Variants in SLC13A3 observed in about 807,000 individuals in gnomAD.
SLC13A3 encodes the protein Na(+)/dicarboxylate cotransporter 3.
In SLC13A3, 40 loss-of-function variants were observed where a neutral mutation model predicts 59.0. The ratio of observed to expected loss-of-function variants is 0.68; its 90% CI spans 0.53 to 0.88. The LOEUF is 0.88. SLC13A3 is among the 40% of genes least tolerant of loss of function. The pLI, the probability that SLC13A3 is intolerant of heterozygous loss-of-function variation, is 0.00. For synonymous variants in SLC13A3, 317 were observed against 330.3 expected, an observed-to-expected ratio of 0.96 and a Z score of 0.44; for missense variants, 699 against 783.2, an observed-to-expected ratio of 0.89 and a Z score of 1.28.
At chr20:46,563,590 C>T in intron 11 of SLC13A3, 39 bp from the exon 12 acceptor site, 2 of 1,581,384 alleles carry the variant, frequency 1.3e-6, no homozygotes, top group African/African-American at 1.4e-5. Flanking sequence ...GGAGAGAGAC[C>T]AACGCAGAGC....
At chr20:46,669,127 C>G (rs916735082) in intron 1 of SLC13A3, among the ~76,000 whole-genome samples, 1 of 152,172 alleles carries the variant, frequency 6.6e-6, no homozygotes, top group South Asian at 2.1e-4. Context: ...TCCCATATCC[C>G]CACACAAATA....
chr20:46,610,704 C>G, intron 2 of SLC13A3, 95 bp from the exon 3 acceptor site: 1 of 1,024,586 alleles, frequency 9.8e-7, no homozygotes, highest in Non-Finnish European at 1.4e-6. Context: ...ACAATCCATC[C>G]ATTTTACAGA....
chr20:46,576,202 A>C (rs1428995578), intron 9 of SLC13A3, among the ~76,000 whole-genome samples: 3 of 152,150 alleles, frequency 2.0e-5, no homozygotes, highest in East Asian at 3.8e-4. Flanking sequence ...CGAGTGAATC[A>C]TTGAGGCTTT....
At position 46,581,147 on chromosome 20, in the gene SLC13A3, T is replaced by C. The variant is rs537229601; in HGVS notation, c.1219+2425A>G. ...ACTGGCTTGCCCTGGAATTCCTTCCTGGGTGAAGAAGCCAAGAACCCTCCC... is the reference window on the plus strand; with the variant it reads ...ACTGGCTTGCCCTGGAATTCCTTCCCGGGTGAAGAAGCCAAGAACCCTCCC... On this transcript the variant is annotated intron_variant, in intron 9 of 12. Transcript: ENST00000279027. Among the ~76,000 whole-genome samples, 50 of 152,324 alleles carry C rather than the reference T, an allele frequency of 3.3e-4. No individual in the cohort carries two copies. The South Asian group carries it at 1.0e-2, about 30-fold the overall frequency.
intron 9 of SLC13A3, 88 bp from the exon 10 acceptor site, chr20:46,575,773 CA>C: frequency 1.4e-6 from 1 of 703,240 alleles, no homozygotes; most frequent in Non-Finnish European, 2.2e-6. Context: ...TTACCGGGGA[CA>C]CTCAGGGGTC....
chr20:46,568,923 C>A (rs540694833), intron 10 of SLC13A3, among the ~76,000 whole-genome samples: 1 of 152,184 alleles, frequency 6.6e-6, no homozygotes, highest in Non-Finnish European at 1.5e-5. Context: ...GAGAGGAAAA[C>A]GCCTGTTGCG....
At chr20:46,566,477 C>T (rs763971822) in intron 10 of SLC13A3, 87 bp from the exon 11 acceptor site, 66 of 1,433,328 alleles carry the variant, frequency 4.6e-5, no homozygotes, top group Non-Finnish European at 5.8e-5. Context: ...ACAACAATGA[C>T]GACCATACCC....
intron 1 of SLC13A3, among the ~76,000 whole-genome samples, chr20:46,683,446 G>C (rs1455796816): frequency 6.6e-6 from 1 of 152,104 alleles, no homozygotes; most frequent in African/African-American, 2.4e-5. Flanking sequence ...GCACAGCTCA[G>C]GCAGAGAACT....
At chr20:46,669,294 A>C (rs2063078034) in intron 1 of SLC13A3, among the ~76,000 whole-genome samples, 1 of 149,192 alleles carries the variant, frequency 6.7e-6, no homozygotes, top group African/African-American at 2.5e-5. Flanking sequence ...CGCCCTGCTT[A>C]ACTTCTTTTA....
intron 1 of SLC13A3, among the ~76,000 whole-genome samples, chr20:46,679,760 T>A (rs1470595794): frequency 1.3e-5 from 2 of 152,040 alleles, no homozygotes; most frequent in African/African-American, 2.4e-5. Flanking sequence ...ATTCAAAAAT[T>A]AGCTGGGCGT....
intron 10 of SLC13A3, among the ~76,000 whole-genome samples, chr20:46,572,424 G>T (rs1460429909): frequency 6.6e-6 from 1 of 152,140 alleles, no homozygotes; most frequent in Non-Finnish European, 1.5e-5. Context: ...CTCAGAGCCA[G>T]GGTGGCCTCT....
At chr20:46,576,005 G>A (rs530701301) in intron 9 of SLC13A3, among the ~76,000 whole-genome samples, 1 of 152,292 alleles carries the variant, frequency 6.6e-6, no homozygotes, top group Admixed American at 6.5e-5. Context: ...TAAGAGAAAA[G>A]GCTTTCTTTG....
chr20:46,560,009 C>A lies in SLC13A3; in HGVS notation c.*13G>T. 2 of 1,613,100 alleles carry A rather than the reference C, an allele frequency of 1.2e-6. No homozygotes were observed. Among genetic ancestry groups the A allele is most frequent in the Non-Finnish European group, 8.5e-7 (1 of 1,179,520 alleles). The stretch of plus-strand genomic sequence containing the variant: ...TGAGAGGGTTCAGCCTCAAGGGAGT[C>A]CTCCAGGGGGACTCAGAGGGTCCGA... On this transcript the variant is annotated 3_prime_UTR_variant, in exon 13 of 13. Coordinates refer to ENST00000279027, the MANE Select transcript of SLC13A3 (RefSeq NM_022829.6).
chr20:46,661,537 T>A (rs1306050277), intron 1 of SLC13A3, among the ~76,000 whole-genome samples: 1 of 152,214 alleles, frequency 6.6e-6, no homozygotes, highest in African/African-American at 2.4e-5. Flanking sequence ...AGTTTGGGAA[T>A]GTTGGGAGTT....
At chr20:46,633,980 C>T (rs758313158) in intron 1 of SLC13A3, among the ~76,000 whole-genome samples, 6 of 152,228 alleles carry the variant, frequency 3.9e-5, no homozygotes, top group Non-Finnish European at 7.3e-5. Flanking sequence ...GATGGAGCCA[C>T]GATCCTACCA....
upstream of SLC13A3, among the ~76,000 whole-genome samples, chr20:46,652,547 A>T (rs1406585061): frequency 3.4e-5 from 4 of 117,798 alleles, no homozygotes; most frequent in African/African-American, 1.2e-4. Flanking sequence ...TATCTGGCTA[A>T]TTTTTTTTTT....
chr20:46,656,674 A>G (rs1016015182), intron 1 of SLC13A3, among the ~76,000 whole-genome samples: 5 of 150,650 alleles, frequency 3.3e-5, no homozygotes, highest in Admixed American at 2.7e-4. Context: ...CAAATTTGGG[A>G]AGTTTTCAGC....
intron 1 of SLC13A3, among the ~76,000 whole-genome samples, chr20:46,680,733 T>C (rs1190243407): frequency 2.6e-5 from 4 of 152,172 alleles, no homozygotes; most frequent in Non-Finnish European, 4.4e-5. Context: ...CAGCTCCAGT[T>C]CTCCCTCTGC....
At chr20:46,598,855 C>T (rs1316495395) in intron 4 of SLC13A3, among the ~76,000 whole-genome samples, 1 of 152,088 alleles carries the variant, frequency 6.6e-6, no homozygotes, top group Non-Finnish European at 1.5e-5. Flanking sequence ...CTCATTCACT[C>T]GGCTCCAGCC....
Sources: gnomAD v4.1 joint callset for allele counts (sites outside exome capture counted in the v4.1 genomes callset) on GRCh38, gnomAD v4.1.1 for gene constraint, MANE v1.5 for transcripts, NCBI Gene and HGNC (gene_info 2026-07-23, HGNC 2026-07-21) for gene names.